LSM6: variants seen among roughly 807,000 people sequenced by gnomAD.
The protein encoded by LSM6 is U6 snRNA-associated Sm-like protein LSm6.
LSM6 carries 2 observed loss-of-function variants against 13.5 expected under a neutral mutation model. The observed-to-expected ratio is 0.15, with a 90% CI of 0.06 to 0.47. The LOEUF (loss-of-function observed/expected upper bound fraction) is 0.47. Among genes scored for constraint, LSM6 ranks in the 20% least tolerant of loss-of-function variants. The pLI is 0.97. For synonymous variants in LSM6, 43 were observed against 34.9 expected (o/e 1.23, Z -0.82); for missense variants, 58 against 96.4 (o/e 0.60, Z 1.67).
intron 2 of LSM6, 51 bp downstream of exon 2, chr4:146,183,066 G>C: frequency 7.7e-7 from 1 of 1,291,152 alleles, no homozygotes; most frequent in Non-Finnish European, 1.1e-6. Context: ...AAGTAAATGT[G>C]ACTTACTGAT....
intron 1 of LSM6, among the ~76,000 whole-genome samples, chr4:146,178,769 AT>A (rs60064154): frequency 2.6e-5 from 4 of 151,900 alleles, no homozygotes; most frequent in East Asian, 1.9e-4. Context: ...CACGTTAGGT[AT>A]TTTTTTTCCC....
At chr4:146,189,159 T>G (rs151078348) in intron 3 of LSM6, among the ~76,000 whole-genome samples, 41 of 152,136 alleles carry the variant, frequency 2.7e-4, no homozygotes, top group Non-Finnish European at 5.4e-4. Flanking sequence ...GCCTGGTTAA[T>G]TTTTTGTATT....
intron 2 of LSM6, among the ~76,000 whole-genome samples, chr4:146,184,898 C>T (rs944758893): frequency 1.3e-5 from 2 of 152,064 alleles, no homozygotes; most frequent in African/African-American, 4.8e-5. Context: ...TCTATATTAG[C>T]ATAATTTGAC....
chr4:146,187,376 G>A lies in LSM6; in HGVS notation c.197G>A (p.Arg66Gln). Residue 66 changes from arginine (R) to glutamine (Q), a missense_variant, in exon 3 of 4, where the codon CGA (arginine) becomes CAA (glutamine). Transcript: ENST00000296581. The part of the protein sequence containing the change: ...LKNKYGDAFI[R>Q]GNNVLYISTQ... Reference sequence around the variant, plus strand: ...AATAAGTATGGGGATGCATTTATCCGAGGAAACAATGGTAACATTTCTTCG... The same window carrying A: ...AATAAGTATGGGGATGCATTTATCCAAGGAAACAATGGTAACATTTCTTCG... 6.2e-7 allele frequency: 1 copy of A among 1,601,374 alleles called. No homozygotes were observed. The highest frequency in any genetic ancestry group is 2.2e-5 in the East Asian group (1 of 44,810).
At chr4:146,187,195 G>A (rs767966933) in intron 2 of LSM6, 79 bp from the exon 3 acceptor site, 31 of 686,184 alleles carry the variant, frequency 4.5e-5, no homozygotes, top group Non-Finnish European at 8.0e-5. Context: ...TAAAGAGATT[G>A]TCTGCTCTAA....
intron 1 of LSM6, among the ~76,000 whole-genome samples, chr4:146,178,981 T>C (rs1459153907): frequency 2.0e-5 from 3 of 152,210 alleles, no homozygotes; most frequent in African/African-American, 7.2e-5. Context: ...AGCACATAGT[T>C]GGGTTAATAA....
chr4:146,187,928 A>G (rs1034889883), intron 3 of LSM6, among the ~76,000 whole-genome samples: 2 of 152,234 alleles, frequency 1.3e-5, no homozygotes, highest in Non-Finnish European at 2.9e-5. Context: ...TAGTTTAAAA[A>G]TGAAAATTAT....
In LSM6 at chr4:146,189,771, T is replaced by C; in HGVS notation, c.*115T>C. 1.5e-6 allele frequency: 1 copy of C among 689,144 alleles called. No homozygotes were observed. The highest frequency in any genetic ancestry group is 2.5e-6 in the Non-Finnish European group (1 of 393,140). 42.7% of individuals were successfully genotyped at this position (689,144 alleles called of 1,614,324 possible). The stretch of plus-strand genomic sequence containing the variant: ...CTCTTTTTATAATAGTTGGTGATTT[T>C]TCACTGACATGTGAGTAAGATAAAT... On this transcript the variant is annotated 3_prime_UTR_variant, in exon 4 of 4. Transcript: ENST00000296581.
In LSM6 at chr4:146,190,637, C is replaced by T. The variant is rs1730450404; in HGVS notation, c.*981C>T. ...CTTTATGTTGCTTGGCACAAGGCAG[C>T]TCCTCTGGTTATGTGACTCCTGCTG... On this transcript the variant is annotated 3_prime_UTR_variant, in exon 4 of 4. Coordinates refer to ENST00000296581, the MANE Select transcript of LSM6 (RefSeq NM_007080.3). 6.6e-6 allele frequency: 1 copy of T among 152,242 alleles called. No individual in the cohort carries two copies. Among genetic ancestry groups the T allele is most frequent in the African/African-American group, 2.4e-5 (1 of 41,454 alleles). 9.4% of individuals were successfully genotyped at this position (152,242 alleles called of 1,614,324 possible). A position where few individuals can be genotyped will look rare whatever the true frequency, so the allele number is the denominator to read the frequency against.
At chr4:146,187,089 ACTTCATTCAGATTGG>A (rs1730366466) in intron 2 of LSM6, among the ~76,000 whole-genome samples, 170 bp from the exon 3 acceptor site, 3 of 152,192 alleles carry the variant, frequency 2.0e-5, no homozygotes, top group African/African-American at 7.2e-5. Context: ...GCCTTCCTAG[ACTTCATTCAGATTGG>A]CATAGAGTTG....
intron 2 of LSM6, among the ~76,000 whole-genome samples, chr4:146,186,814 G>A (rs1484519755): frequency 6.6e-6 from 1 of 152,122 alleles, no homozygotes; most frequent in African/African-American, 2.4e-5. Context: ...TTCATCTGCT[G>A]CAATAGATGT....
rs145406684 is a variant in LSM6 at position 146,180,097 on chromosome 4, G to T, written c.-10-2815G>T. On this transcript the variant is annotated intron_variant, in intron 1 of 3. Coordinates refer to ENST00000296581, the MANE Select transcript of LSM6 (RefSeq NM_007080.3). ...TTCTGACTTCTCTTCTTTCAGCTAG[G>T]GGGTGACGCCTTTTCCTTCAAATTC... Among the ~76,000 whole-genome samples, 22 of 152,300 alleles carry T rather than the reference G, an allele frequency of 1.4e-4. No homozygotes were observed. The East Asian group carries it at 4.0e-3, about 28-fold the overall frequency.
At chr4:146,184,603 A>G (rs567091637) in intron 2 of LSM6, among the ~76,000 whole-genome samples, 4 of 152,308 alleles carry the variant, frequency 2.6e-5, no homozygotes, top group South Asian at 2.1e-4. Flanking sequence ...TGATGGGCCC[A>G]TAGGAAGTAA....
Position 146,189,606 on chromosome 4 carries a change from AT to A in LSM6, c.209-9del, listed in dbSNP as rs772689979. On this transcript the variant is annotated splice_polypyrimidine_tract_variant and intron_variant, in intron 3 of 3. Transcript: ENST00000296581. ...GGGTTTTTTAAATTTCAATTTATGT[AT>A]TTTTTTCTTTTCAGTGTTGTACATC... 27 of 1,563,294 alleles carry A rather than the reference AT, an allele frequency of 1.7e-5. No individual in the cohort carries two copies. The East Asian group carries it at 5.2e-4, about 30-fold the overall frequency.
At chr4:146,187,655 T>C in intron 3 of LSM6, 2 of 299,256 alleles carry the variant, frequency 6.7e-6, no homozygotes, top group South Asian at 4.6e-5. Flanking sequence ...TTCTCGAATA[T>C]AGTGTAGTAT....
chr4:146,188,983 A>G (rs1184558633), intron 3 of LSM6, among the ~76,000 whole-genome samples: 1 of 139,452 alleles, frequency 7.2e-6, no homozygotes, highest in East Asian at 2.0e-4. Context: ...TCTGAAAAGC[A>G]TCTTTTTTTT....
At chr4:146,179,625 T>G (rs1036205289) in intron 1 of LSM6, among the ~76,000 whole-genome samples, 3 of 152,188 alleles carry the variant, frequency 2.0e-5, no homozygotes, top group African/African-American at 7.2e-5. Flanking sequence ...TGTGAGCCCC[T>G]CTTGTCATGT....
intron 3 of LSM6, 39 bp from the exon 4 acceptor site, chr4:146,189,583 G>T: frequency 7.1e-7 from 1 of 1,411,424 alleles, no homozygotes; most frequent in Non-Finnish European, 9.9e-7. Context: ...TACAAGCAGG[G>T]TTTTTTAAAT....
intron 2 of LSM6, chr4:146,183,605 G>A (rs1273827965): frequency 2.0e-5 from 3 of 152,632 alleles, no homozygotes; most frequent in African/African-American, 7.2e-5. Flanking sequence ...TATCTTCCAA[G>A]CTAAGGTATG....
Sources: gnomAD v4.1 joint callset for allele counts (sites outside exome capture counted in the v4.1 genomes callset) on GRCh38, gnomAD v4.1.1 for gene constraint, MANE v1.5 for transcripts, NCBI Gene and HGNC (gene_info 2026-07-23, HGNC 2026-07-21) for gene names.